The following ORC1 variants were observed in gnomAD, a reference collection of about 807,000 sequenced individuals.
The protein encoded by ORC1 is origin recognition complex, subunit 1 homolog.
ORC1 carries 61 observed loss-of-function variants against 98.9 expected under a neutral mutation model. That is an observed-to-expected ratio of 0.62 (90% CI 0.50 to 0.76). The LOEUF (loss-of-function observed/expected upper bound fraction) is 0.76, where lower values mean the gene tolerates loss of function less well. Among genes scored for constraint, ORC1 ranks in the 30% least tolerant of loss-of-function variants. ORC1 has a pLI of 0.00. For synonymous variants in ORC1, 385 were observed against 406.9 expected, an observed-to-expected ratio of 0.95 and a Z score of 0.65; for missense variants, 979 against 1,072.2, an observed-to-expected ratio of 0.91 and a Z score of 1.21.
Position 52,373,157 on chromosome 1 carries a change from A to G in ORC1, c.*24T>C, listed in dbSNP as rs1305711918. ...AAAAAACAAAACCCAGCAAGACCCC[A>G]GTCTTTTAACTTGTGAAGCCCCTTT... On this transcript the variant is annotated 3_prime_UTR_variant, in exon 17 of 17. Coordinates refer to ENST00000371568, the MANE Select transcript of ORC1 (RefSeq NM_004153.4). The G allele has an allele frequency of 6.2e-7, 1 of 1,611,710 alleles. No individual in the cohort carries two copies. Among genetic ancestry groups the G allele is most frequent in the Non-Finnish European group, 8.5e-7 (1 of 1,178,248 alleles).
intron 5 of ORC1, 66 bp from the exon 6 acceptor site, chr1:52,393,869 C>G: frequency 6.7e-7 from 1 of 1,492,114 alleles, no homozygotes; most frequent in Non-Finnish European, 9.2e-7. Flanking sequence ...AATCTCATCA[C>G]AGCCAAATTC....
chr1:52,398,420 C>A (rs148749881), intron 3 of ORC1, among the ~76,000 whole-genome samples: 1 of 150,872 alleles, frequency 6.6e-6, no homozygotes, highest in Non-Finnish European at 1.5e-5. Flanking sequence ...TGTGCCACCA[C>A]GCCTGGCTAA....
chr1:52,396,392 GA>G (rs754571625), intron 4 of ORC1, 28 bp from the exon 5 acceptor site: 3 of 1,613,806 alleles, frequency 1.9e-6, no homozygotes, highest in South Asian at 2.2e-5. Flanking sequence ...AGATAAGTAG[GA>G]AGAGATGAGC....
chr1:52,401,605 T>C, intron 2 of ORC1, 116 bp from the exon 3 acceptor site: 1 of 1,243,752 alleles, frequency 8.0e-7, no homozygotes, highest in South Asian at 1.2e-5. Flanking sequence ...GCTGACCAAC[T>C]CTCCTACTGG....
rs61753389 is a variant in ORC1, at chr1:52,374,887, C to T, written c.2314G>A (p.Val772Ile). 5.8e-3 allele frequency: 9,344 copies of T among 1,612,708 alleles called. 40 individuals carry two copies. Among genetic ancestry groups the T allele is most frequent in the Non-Finnish European group, 6.6e-3 (7,784 of 1,178,728 alleles). Residue 772 changes from valine (V) to isoleucine (I), a missense_variant, in exon 16 of 17, where the codon GTT becomes ATT. Val to Ile is a conservative substitution (Grantham distance 29, BLOSUM62 3). Transcript: ENST00000371568. ...SYITAIKNSSVLEQSFLRAIL... is the reference protein window; with the variant it reads ...SYITAIKNSSILEQSFLRAIL... Reference sequence around the variant, plus strand: ...GCTCTCAGGAAGCTCTGTTCCAGAACAGAGGAATTTCTTAAAGGAAACGAG... The same window carrying T: ...GCTCTCAGGAAGCTCTGTTCCAGAATAGAGGAATTTCTTAAAGGAAACGAG...
intron 15 of ORC1, among the ~76,000 whole-genome samples, chr1:52,375,217 T>G (rs369563292): frequency 3.9e-5 from 6 of 152,106 alleles, no homozygotes; most frequent in African/African-American, 1.4e-4. Context: ...GTTCCTATCA[T>G]AGCACTTTTA....
chr1:52,378,443 T>A (rs928510897), intron 14 of ORC1, among the ~76,000 whole-genome samples: 2 of 150,198 alleles, frequency 1.3e-5, no homozygotes, highest in Admixed American at 1.3e-4. Flanking sequence ...GCAGATCACT[T>A]GAGGTCAGGA....
intron 1 of ORC1, among the ~76,000 whole-genome samples, chr1:52,403,780 C>A (rs549605148): frequency 7.0e-4 from 106 of 151,972 alleles, no homozygotes; most frequent in African/African-American, 2.5e-3. Context: ...GGGTAGGAGC[C>A]CAGACTGCTT....
upstream of ORC1, chr1:52,404,681 G>A (rs1323530628): frequency 6.5e-7 from 1 of 1,545,390 alleles, no homozygotes; most frequent in African/African-American, 1.4e-5. Context: ...ATTCCTCTAG[G>A]TGCTTTTTCT....
upstream of ORC1, chr1:52,405,540 G>A: frequency 8.3e-6 from 6 of 723,790 alleles, no homozygotes; most frequent in South Asian, 7.3e-5. Context: ...AGCTGTTGTC[G>A]TTACTGTTAT....
chr1:52,384,672 G>A lies in ORC1; in HGVS notation c.1633C>T (p.His545Tyr), dbSNP rs761876179. 1 of 1,613,926 alleles carries A rather than the reference G, an allele frequency of 6.2e-7. No individual in the cohort carries two copies. The highest frequency in any genetic ancestry group is 2.2e-5 in the East Asian group (1 of 44,854). Residue 545 changes from histidine to tyrosine, a missense_variant, in exon 11 of 17, where the codon CAT becomes TAT. Transcript: ENST00000371568. ...VPGTGKTATVHEVIRCLQQAA... is the reference protein window; with the variant it reads ...VPGTGKTATVYEVIRCLQQAA... Reference sequence around the variant, plus strand: ...TGCTGCAGGCAGCGTATCACTTCATGAACAGTGGCAGTCTTCCCTGTCCCA... The same window carrying A: ...TGCTGCAGGCAGCGTATCACTTCATAAACAGTGGCAGTCTTCCCTGTCCCA...
chr1:52,394,392 G>T (rs1405517038), intron 5 of ORC1, among the ~76,000 whole-genome samples: 1 of 152,142 alleles, frequency 6.6e-6, no homozygotes, highest in Non-Finnish European at 1.5e-5. Context: ...GTGTGCCAGG[G>T]GCTGAGGTTA....
chr1:52,389,471 G>A, intron 6 of ORC1, 150 bp from the exon 7 acceptor site: 2 of 670,916 alleles, frequency 3.0e-6, no homozygotes, highest in Non-Finnish European at 5.3e-6. Context: ...CTAAAAAGTT[G>A]GCAAAAAATT....
At position 52,388,578 on chromosome 1, in the gene ORC1, A is replaced by T. The variant is rs1569932502; in HGVS notation, c.1247T>A (p.Ile416Asn). The stretch of plus-strand genomic sequence containing the variant: ...TTCTTCGTCACTGCTAGAGTCTGAA[A>T]TCTCTGCTGCTGGCAGAATCTCTTT... The part of the protein sequence containing the change: ...EEKEILPAAE[I>N]SDSSSDEEEA... The change falls in exon 8 of 17, where the codon ATT becomes AAT. Residue 416 changes from isoleucine to asparagine, a missense_variant. By Grantham distance (149) the Ile-to-Asn change is moderately radical. Coordinates refer to ENST00000371568, the MANE Select transcript of ORC1 (RefSeq NM_004153.4). 3 of 1,614,132 alleles carry T rather than the reference A, an allele frequency of 1.9e-6. No homozygotes were observed. The East Asian group carries it at 6.7e-5, about 36-fold the overall frequency.
At position 52,381,689 on chromosome 1, in the gene ORC1, G is replaced by A; in HGVS notation, c.2086C>T (p.His696Tyr). 6.2e-7 allele frequency: 1 copy of A among 1,613,408 alleles called. No individual in the cohort carries two copies. Among genetic ancestry groups the A allele is most frequent in the Non-Finnish European group, 8.5e-7 (1 of 1,179,770 alleles). The change falls in exon 14 of 17, where the codon CAT becomes TAT. Residue 696 changes from histidine to tyrosine, a missense_variant. Physicochemically the swap from His to Tyr is moderately conservative, Grantham distance 83. Transcript: ENST00000371568. The part of the protein sequence containing the change: ...LQQILRSRLK[H>Y]LKAFEDDAIQ... Reference sequence around the variant, plus strand: ...GCATCATCTTCAAAGGCCTTTAGATGCTTGAGCCGGGACCTTAGGATCTGC... The same window carrying A: ...GCATCATCTTCAAAGGCCTTTAGATACTTGAGCCGGGACCTTAGGATCTGC...
chr1:52,401,938 T>G lies in ORC1; in HGVS notation c.95+191A>C, dbSNP rs183818631. Among the ~76,000 whole-genome samples the G allele has an allele frequency of 5.6e-3, 848 of 152,330 alleles. 4 individuals carry two copies. Among genetic ancestry groups the G allele is most frequent in the Non-Finnish European group, 9.7e-3 (662 of 68,042 alleles). ...ACAAAATTTTATGAGCCTGCCATAA[T>G]TTTGCTCCATCACTAACTGCTATAT... On this transcript the variant is annotated intron_variant, in intron 2 of 16. Transcript: ENST00000371568.
At chr1:52,405,827 A>G (rs1480507016), upstream of ORC1, 6 of 1,614,146 alleles carry the variant, frequency 3.7e-6, no homozygotes, top group Non-Finnish European at 5.1e-6. Flanking sequence ...TTTATCAAAA[A>G]TGAAGATTTC....
chr1:52,377,279 TG>T (rs1406615791), intron 14 of ORC1, among the ~76,000 whole-genome samples: 7 of 151,814 alleles, frequency 4.6e-5, no homozygotes. Context: ...GACTTTTTGT[TG>T]GTTTTTTTGT....
intron 3 of ORC1, among the ~76,000 whole-genome samples, chr1:52,401,007 T>C (rs1368046605): frequency 6.6e-6 from 1 of 152,208 alleles, no homozygotes; most frequent in African/African-American, 2.4e-5. Context: ...CTAACCTTCA[T>C]GCCAAAACTA....
Sources: allele counts gnomAD v4.1 joint callset (sites outside exome capture counted in the v4.1 genomes callset), GRCh38; gene constraint gnomAD v4.1.1; transcripts MANE v1.5; gene names NCBI Gene and HGNC (gene_info 2026-07-23, HGNC 2026-07-21).